The following RASGRP1 variants were observed in gnomAD, a reference collection of about 807,000 sequenced individuals.
RASGRP1 encodes RAS guanyl releasing protein 1.
RASGRP1 carries 37 observed loss-of-function variants against 95.1 expected under a neutral mutation model. That is an observed-to-expected ratio of 0.39 (90% CI 0.30 to 0.51). The LOEUF is 0.51. Ranked by LOEUF, RASGRP1 falls within the 20% of genes least tolerant of loss-of-function variation. The pLI is 0.80. For missense variants in RASGRP1, 711 were observed against 965.4 expected (o/e 0.74, Z 3.49); for synonymous variants, 325 against 353.4 (o/e 0.92, Z 0.90).
chr15:38,513,364 C>T (rs1891621648), intron 6 of RASGRP1, among the ~76,000 whole-genome samples: 2 of 152,194 alleles, frequency 1.3e-5, no homozygotes, highest in Admixed American at 6.5e-5. Context: ...CTCTCCCCAG[C>T]TGTTTTCTTA....
chr15:38,501,143 A>G lies in RASGRP1; in HGVS notation c.1683T>C (p.Phe561=), dbSNP rs755935714. The G allele has an allele frequency of 1.3e-6, 2 of 1,596,138 alleles. No individual in the cohort carries two copies. The highest frequency in any genetic ancestry group is 3.5e-5 in the Admixed American group (2 of 57,250). Residue 561 remains phenylalanine (F), a splice_region_variant and synonymous_variant, in exon 13 of 17, where the codon TTT becomes TTC. Coordinates refer to ENST00000310803, the MANE Select transcript of RASGRP1 (RefSeq NM_005739.4). ...KPTFCDNCAG[F]LWGVIKQGYR... is the part of the protein sequence containing the mutation. ...CTGGAGCACCCTAAGAACAACTTAC[A>G]AATCCAGCACAGTTGTCACAAAAAG... is the stretch of plus-strand genomic sequence containing the variant.
chr15:38,536,224 A>T (rs1353026464), intron 2 of RASGRP1, among the ~76,000 whole-genome samples: 1 of 152,190 alleles, frequency 6.6e-6, no homozygotes, highest in Non-Finnish European at 1.5e-5. Flanking sequence ...ATAGACATTG[A>T]CCATTCCCAT....
At chr15:38,540,191 G>A (rs909884632) in intron 2 of RASGRP1, among the ~76,000 whole-genome samples, 3 of 152,168 alleles carry the variant, frequency 2.0e-5, no homozygotes, top group Non-Finnish European at 4.4e-5. Flanking sequence ...GCCGGCCAAA[G>A]TTCTGGGATT....
chr15:38,521,478 C>G (rs954894335), intron 3 of RASGRP1, among the ~76,000 whole-genome samples: 1 of 152,142 alleles, frequency 6.6e-6, no homozygotes, highest in Non-Finnish European at 1.5e-5. Flanking sequence ...TCAGTCTACA[C>G]GTGAGTGCTG....
chr15:38,528,415 G>T (rs1188284039), intron 2 of RASGRP1, among the ~76,000 whole-genome samples: 1 of 151,480 alleles, frequency 6.6e-6, no homozygotes, highest in Non-Finnish European at 1.5e-5. Flanking sequence ...ATTTTTCAAA[G>T]TTACCAATCA....
chr15:38,520,294 G>C (rs962672555), intron 3 of RASGRP1, among the ~76,000 whole-genome samples: 3 of 152,138 alleles, frequency 2.0e-5, no homozygotes, highest in Non-Finnish European at 4.4e-5. Context: ...ATTCCAGCTG[G>C]GCCCATGAGA....
At chr15:38,544,635 T>C (rs1023080667) in intron 2 of RASGRP1, among the ~76,000 whole-genome samples, 1 of 152,210 alleles carries the variant, frequency 6.6e-6, no homozygotes, top group Non-Finnish European at 1.5e-5. Flanking sequence ...CAAGATGTGG[T>C]CCCTTCATTT....
intron 3 of RASGRP1, among the ~76,000 whole-genome samples, chr15:38,522,351 C>T (rs890992514): frequency 3.3e-5 from 5 of 152,120 alleles, no homozygotes; most frequent in South Asian, 2.1e-4. Context: ...TTACTTGAAA[C>T]GGTCATCTAT....
chr15:38,536,818 A>G (rs143681320), intron 2 of RASGRP1, among the ~76,000 whole-genome samples: 1 of 152,368 alleles, frequency 6.6e-6, no homozygotes, highest in African/African-American at 2.4e-5. Context: ...TCTCGTACAA[A>G]AAAACATCAC....
At chr15:38,512,641 T>A in intron 7 of RASGRP1, 142 bp downstream of exon 7, 2 of 991,280 alleles carry the variant, frequency 2.0e-6, no homozygotes, top group South Asian at 1.7e-5. Context: ...CTAGATCTGG[T>A]TGAAGGCACA....
At chr15:38,531,976 C>T (rs556927427) in intron 2 of RASGRP1, among the ~76,000 whole-genome samples, 61 of 151,842 alleles carry the variant, frequency 4.0e-4, no homozygotes, top group African/African-American at 1.3e-3. Context: ...ATCGGGGATA[C>T]GTCCCTTCCT....
chr15:38,500,163 A>G (rs1466142201), intron 13 of RASGRP1, 24 bp from the exon 14 acceptor site: 1 of 1,611,884 alleles, frequency 6.2e-7, no homozygotes, highest in Non-Finnish European at 8.5e-7. Flanking sequence ...GACAGAATGC[A>G]CCACATGTCA....
At chr15:38,564,259 TC>T (rs1893935475) in intron 1 of RASGRP1, among the ~76,000 whole-genome samples, 1 of 151,968 alleles carries the variant, frequency 6.6e-6, no homozygotes, top group Admixed American at 6.5e-5. Context: ...CGAGTGGGAG[TC>T]CCGATGCCGG....
In RASGRP1 at chr15:38,535,380, C is replaced by A. The variant is rs551181063; in HGVS notation, c.221-8976G>T. 2.0e-5 allele frequency among the ~76,000 whole-genome samples: 3 copies of A among 152,290 alleles called. No homozygotes were observed. The South Asian group carries it at 6.2e-4, about 32-fold the overall frequency. On this transcript the variant is annotated intron_variant, in intron 2 of 16. Transcript: ENST00000310803. Reference sequence around the variant, plus strand: ...TTCCTCCCCAGGAAGCCCTACACCCCCAACAGACCCACCCAGCCCTTCTCA... The same window carrying A: ...TTCCTCCCCAGGAAGCCCTACACCCACAACAGACCCACCCAGCCCTTCTCA...
At chr15:38,554,870 G>A (rs571694849) in intron 2 of RASGRP1, among the ~76,000 whole-genome samples, 10 of 152,184 alleles carry the variant, frequency 6.6e-5, no homozygotes, top group Non-Finnish European at 2.9e-5. Context: ...TGGGAAAGCT[G>A]TGTTCTTCAC....
At chr15:38,551,720 A>T (rs879796756) in intron 2 of RASGRP1, among the ~76,000 whole-genome samples, 1 of 152,192 alleles carries the variant, frequency 6.6e-6, no homozygotes, top group Non-Finnish European at 1.5e-5. Flanking sequence ...ACAGGAAAAA[A>T]AATGCCTATA....
chr15:38,509,972 A>C (rs1009275867), intron 8 of RASGRP1, among the ~76,000 whole-genome samples: 1 of 152,194 alleles, frequency 6.6e-6, no homozygotes. Context: ...GGGAGATGGC[A>C]AGAGAGCTTC....
intron 14 of RASGRP1, 65 bp downstream of exon 14, chr15:38,500,038 G>A: frequency 6.5e-7 from 1 of 1,530,216 alleles, no homozygotes; most frequent in South Asian, 1.1e-5. Flanking sequence ...GTCTCAGGCA[G>A]TTCTCTATAG....
chr15:38,543,119 T>C lies in RASGRP1; in HGVS notation c.220+16702A>G, dbSNP rs550920671. ...AAAATACTCTAAGTTTGCAAAAACATTGTCCTAAATTTCCTTCTAGAAGAC... is the reference window on the plus strand; with the variant it reads ...AAAATACTCTAAGTTTGCAAAAACACTGTCCTAAATTTCCTTCTAGAAGAC... On this transcript the variant is annotated intron_variant, in intron 2 of 16. Transcript: ENST00000310803. Among the ~76,000 whole-genome samples, 9 of 149,774 alleles carry C rather than the reference T, an allele frequency of 6.0e-5. 1 individual carries two copies. The South Asian group carries it at 1.7e-3, about 28-fold the overall frequency.
Sources: allele counts gnomAD v4.1 joint callset (sites outside exome capture counted in the v4.1 genomes callset), GRCh38; gene constraint gnomAD v4.1.1; transcripts MANE v1.5; gene names NCBI Gene and HGNC (gene_info 2026-07-23, HGNC 2026-07-21).